ADGRB3: variants seen among roughly 807,000 people sequenced by gnomAD.
The protein encoded by ADGRB3 is adhesion G protein-coupled receptor B3.
ADGRB3 carries 37 observed loss-of-function variants against 193.4 expected under a neutral mutation model. The ratio of observed to expected loss-of-function variants is 0.19; its 90% CI spans 0.15 to 0.25. The LOEUF (loss-of-function observed/expected upper bound fraction) is 0.25, where lower values mean the gene tolerates loss of function less well. Among genes scored for constraint, ADGRB3 ranks in the 10% least tolerant of loss-of-function variants. The probability of loss-of-function intolerance (pLI) is 1.00; values close to 1 mark genes in which losing one functional copy is unlikely to be tolerated. For synonymous variants in ADGRB3, 690 were observed against 644.2 expected (o/e 1.07, Z -1.08); for missense variants, 1,637 against 1,852.9 (o/e 0.88, Z 2.14).
intron 30 of ADGRB3, among the ~76,000 whole-genome samples, chr6:69,373,514 G>A (rs1769749237): frequency 6.6e-6 from 1 of 151,980 alleles, no homozygotes. Context: ...CGATTAAATA[G>A]CAAATTTTAA....
At chr6:68,914,802 A>C (rs550595822) in intron 3 of ADGRB3, among the ~76,000 whole-genome samples, 2 of 152,328 alleles carry the variant, frequency 1.3e-5, no homozygotes, top group Non-Finnish European at 2.9e-5. Context: ...CATTAAAGTG[A>C]TTCTACCTCA....
chr6:68,805,073 A>G (rs958718739), intron 3 of ADGRB3, among the ~76,000 whole-genome samples: 9 of 152,158 alleles, frequency 5.9e-5, no homozygotes, highest in Non-Finnish European at 1.3e-4. Flanking sequence ...GACAACAGAC[A>G]TGCACCATCA....
intron 30 of ADGRB3, among the ~76,000 whole-genome samples, chr6:69,375,954 AAAAC>A (rs562268931): frequency 1.3e-5 from 2 of 151,980 alleles, no homozygotes; most frequent in Non-Finnish European, 2.9e-5. Context: ...AAACAAAGTA[AAAAC>A]AAACAAAGAA....
intron 17 of ADGRB3, among the ~76,000 whole-genome samples, chr6:69,185,709 A>G (rs149004655): frequency 5.1e-4 from 77 of 152,260 alleles, no homozygotes; most frequent in African/African-American, 1.7e-3. Context: ...ATGTGTATGC[A>G]CCTTATCTTT....
chr6:68,745,736 A>G (rs1186674349), intron 3 of ADGRB3, among the ~76,000 whole-genome samples: 1 of 151,882 alleles, frequency 6.6e-6, no homozygotes, highest in Non-Finnish European at 1.5e-5. Context: ...AAATGAATTT[A>G]GAATGTACAT....
chr6:69,089,137 T>C (rs1241824738), intron 17 of ADGRB3, among the ~76,000 whole-genome samples: 1 of 152,258 alleles, frequency 6.6e-6, no homozygotes, highest in African/African-American at 2.4e-5. Context: ...ATATTTAAAA[T>C]GCTCAGTAAA....
chr6:69,134,035 A>T (rs1774084510), intron 17 of ADGRB3, among the ~76,000 whole-genome samples: 1 of 152,110 alleles, frequency 6.6e-6, no homozygotes, highest in Admixed American at 6.6e-5. Flanking sequence ...TTTATGTCCG[A>T]GTAGTATTCC....
At chr6:68,810,447 G>T (rs898745227) in intron 3 of ADGRB3, among the ~76,000 whole-genome samples, 2 of 152,144 alleles carry the variant, frequency 1.3e-5, no homozygotes, top group Non-Finnish European at 2.9e-5. Flanking sequence ...TGGTTCAGTC[G>T]TTGTTGAGGC....
At chr6:68,845,578 G>A (rs1768257054) in intron 3 of ADGRB3, among the ~76,000 whole-genome samples, 1 of 152,132 alleles carries the variant, frequency 6.6e-6, no homozygotes, top group Admixed American at 6.6e-5. Flanking sequence ...ATGGGAGTAG[G>A]TCTTTCTCAT....
chr6:69,037,677 C>CAGAAA (rs1770913926), intron 13 of ADGRB3, among the ~76,000 whole-genome samples: 1 of 152,016 alleles, frequency 6.6e-6, no homozygotes, highest in Non-Finnish European at 1.5e-5. Flanking sequence ...GCCTGTCTCT[C>CAGAAA]TTTCTGTCTC....
chr6:69,063,612 G>T (rs1771814490), intron 16 of ADGRB3, among the ~76,000 whole-genome samples: 1 of 151,880 alleles, frequency 6.6e-6, no homozygotes, highest in Non-Finnish European at 1.5e-5. Flanking sequence ...GGGTGGAGTG[G>T]GTAGCGTGTA....
At chr6:68,683,202 T>C (rs1415806633) in intron 3 of ADGRB3, among the ~76,000 whole-genome samples, 1 of 152,186 alleles carries the variant, frequency 6.6e-6, no homozygotes, top group African/African-American at 2.4e-5. Flanking sequence ...TACCTATACA[T>C]TTTTAAATAA....
intron 20 of ADGRB3, among the ~76,000 whole-genome samples, chr6:69,317,984 A>G (rs1768354539): frequency 6.6e-6 from 1 of 151,474 alleles, no homozygotes; most frequent in Non-Finnish European, 1.5e-5. Flanking sequence ...TCTTTTTACT[A>G]TTTCTAATAG....
intron 3 of ADGRB3, among the ~76,000 whole-genome samples, chr6:68,719,526 A>C (rs937029529): frequency 1.3e-5 from 2 of 151,798 alleles, no homozygotes; most frequent in East Asian, 3.9e-4. Flanking sequence ...AAATTCTATA[A>C]GAGAACTCTG....
chr6:68,848,364 A>G (rs564917108), intron 3 of ADGRB3, among the ~76,000 whole-genome samples: 1 of 152,154 alleles, frequency 6.6e-6, no homozygotes, highest in African/African-American at 2.4e-5. Flanking sequence ...CAAAGGGGAA[A>G]TGCTAATCTT....
At chr6:69,355,504 A>T (rs1769319218) in intron 27 of ADGRB3, among the ~76,000 whole-genome samples, 1 of 152,208 alleles carries the variant, frequency 6.6e-6, no homozygotes, top group African/African-American at 2.4e-5. Flanking sequence ...TGATGTCTTT[A>T]TTATGGTTAG....
At chr6:69,263,885 G>A (rs1766979399) in intron 20 of ADGRB3, among the ~76,000 whole-genome samples, 1 of 151,932 alleles carries the variant, frequency 6.6e-6, no homozygotes, top group South Asian at 2.1e-4. Flanking sequence ...GCAGAGCCGA[G>A]CAAAACTCAG....
intron 17 of ADGRB3, among the ~76,000 whole-genome samples, chr6:69,224,687 C>T (rs575309099): frequency 0.011 from 1,652 of 152,134 alleles, 32 homozygotes; most frequent in African/African-American, 0.038. Context: ...TATAATTGAT[C>T]CATGAACTAA....
At chr6:69,110,877 C>A (rs577236314) in intron 17 of ADGRB3, among the ~76,000 whole-genome samples, 2 of 152,188 alleles carry the variant, frequency 1.3e-5, no homozygotes. Flanking sequence ...ATGGGATATG[C>A]ATGATTAGAC....
Sources: allele counts gnomAD v4.1 joint callset (sites outside exome capture counted in the v4.1 genomes callset), GRCh38; gene constraint gnomAD v4.1.1; transcripts MANE v1.5; gene names NCBI Gene and HGNC (gene_info 2026-07-23, HGNC 2026-07-21).